The following GGT7 variants were observed in gnomAD, a reference collection of about 807,000 sequenced individuals.
The protein encoded by GGT7 is gamma-glutamyltransferase 7.
GGT7 carries 30 observed loss-of-function variants against 69.2 expected under a neutral mutation model. The ratio of observed to expected loss-of-function variants is 0.43; its 90% CI spans 0.32 to 0.59. The LOEUF (loss-of-function observed/expected upper bound fraction) is 0.59. Among genes scored for constraint, GGT7 ranks in the 20% least tolerant of loss-of-function variants. The probability of loss-of-function intolerance (pLI) is 0.05; values close to 1 mark genes in which losing one functional copy is unlikely to be tolerated. For synonymous variants in GGT7, 388 were observed against 391.8 expected (o/e 0.99, Z 0.12); for missense variants, 733 against 901.1 (o/e 0.81, Z 2.39).
In GGT7 at chr20:34,854,836, C is replaced by T; in HGVS notation, c.1190G>A (p.Ser397Asn). 6.2e-7 allele frequency: 1 copy of T among 1,614,182 alleles called. No individual in the cohort carries two copies. Among genetic ancestry groups the T allele is most frequent in the East Asian group, 2.2e-5 (1 of 44,882 alleles). Residue 397 changes from serine to asparagine, a missense_variant, in exon 9 of 15, where the codon AGC (serine) becomes AAC (asparagine). Coordinates refer to ENST00000336431, the MANE Select transcript of GGT7 (RefSeq NM_178026.3). ...AAGAGCCTGTTCTCGGGATACCAGG[C>T]TGGTGAGATTGAAGCCCTCCAGGAT... ...LNILEGFNLT[S>N]LVSREQALHW...
chr20:34,856,621 ACC>A (rs2079495878), intron 8 of GGT7, among the ~76,000 whole-genome samples, 183 bp downstream of exon 8: 1 of 152,056 alleles, frequency 6.6e-6, no homozygotes, highest in African/African-American at 2.4e-5. Context: ...GGGGTAACTG[ACC>A]CCACAGCTAC....
intron 1 of GGT7, among the ~76,000 whole-genome samples, chr20:34,869,008 C>T (rs900135043): frequency 6.6e-6 from 1 of 152,118 alleles, no homozygotes; most frequent in African/African-American, 2.4e-5. Context: ...TTGGATGTAG[C>T]TCAGTTAAAC....
Position 34,844,865 on chromosome 20 carries a change from A to G in GGT7, c.*463T>C, listed in dbSNP as rs1364628282. On this transcript the variant is annotated 3_prime_UTR_variant, in exon 15 of 15. Coordinates refer to ENST00000336431, the MANE Select transcript of GGT7 (RefSeq NM_178026.3). ...GGGAAAAGAGGAGCACCCCCTCCCT[A>G]TGATGGTCCATTAAAAAATTCCTAG... 2 of 153,840 alleles carry G rather than the reference A, an allele frequency of 1.3e-5. No individual in the cohort carries two copies. The highest frequency in any genetic ancestry group is 2.8e-5 in the Non-Finnish European group (2 of 71,022). 9.5% of individuals were successfully genotyped at this position (153,840 alleles called of 1,614,324 possible).
At chr20:34,870,441 T>C (rs537282192) in intron 1 of GGT7, among the ~76,000 whole-genome samples, 2 of 152,228 alleles carry the variant, frequency 1.3e-5, no homozygotes, top group African/African-American at 2.4e-5. Flanking sequence ...CATTCAACAA[T>C]TATTGAGTGC....
Position 34,863,292 on chromosome 20 carries a change from C to T in GGT7, c.405+21G>A, listed in dbSNP as rs755387105. 40 of 1,553,150 alleles carry T rather than the reference C, an allele frequency of 2.6e-5. No homozygotes were observed. The highest frequency in any genetic ancestry group is 3.4e-5 in the Non-Finnish European group (38 of 1,128,508). The stretch of plus-strand genomic sequence containing the variant: ...CTCCCCACTCCCCAGTTTCCTCCCC[C>T]TCCCCATTTGTCCCCCTCACCTGGG... On this transcript the variant is annotated intron_variant, in intron 2 of 14. Transcript: ENST00000336431. The surrounding 1 kb of genome is among the most constrained non-coding windows in gnomAD (Gnocchi z 4.4).
Position 34,859,433 on chromosome 20 carries a change from G to C in GGT7, c.1014+10C>G. The C allele has an allele frequency of 6.4e-7, 1 of 1,567,784 alleles. No homozygotes were observed. The highest frequency in any genetic ancestry group is 8.7e-7 in the Non-Finnish European group (1 of 1,148,458). ...GGGCATGCCCCCACCCGCACAACAC[G>C]AGCACTTACCTCGGCCACCATCTCC... is the stretch of plus-strand genomic sequence containing the variant. On this transcript the variant is annotated intron_variant, in intron 7 of 14. Coordinates refer to ENST00000336431, the MANE Select transcript of GGT7 (RefSeq NM_178026.3).
At chr20:34,850,313 C>T (rs1386767726) in intron 13 of GGT7, 1 of 657,332 alleles carries the variant, frequency 1.5e-6, no homozygotes, top group African/African-American at 1.8e-5. Flanking sequence ...AGATACACCA[C>T]TAGAACCAAG....
chr20:34,852,508 A>G lies in GGT7; in HGVS notation c.1350T>C (p.His450=), dbSNP rs1433115508. Residue 450 remains histidine, a synonymous_variant, in exon 11 of 15, where the codon CAT becomes CAC. Coordinates refer to ENST00000336431, the MANE Select transcript of GGT7 (RefSeq NM_178026.3). Reference sequence around the variant, plus strand: ...CAGGGGCTGCCTGGGAGTCATTGATATGGCCCCGGAGGTAGGCGGCCTCCA... The same window carrying G: ...CAGGGGCTGCCTGGGAGTCATTGATGTGGCCCCGGAGGTAGGCGGCCTCCA... ...SKVEAAYLRG[H]INDSQAAPAP... 4 of 1,596,938 alleles carry G rather than the reference A, an allele frequency of 2.5e-6. No homozygotes were observed. The highest frequency in any genetic ancestry group is 3.4e-6 in the Non-Finnish European group (4 of 1,172,356).
chr20:34,852,116 G>T, intron 12 of GGT7, 39 bp downstream of exon 12: 1 of 1,205,742 alleles, frequency 8.3e-7, no homozygotes, highest in Non-Finnish European at 1.2e-6. Context: ...CTACCTATAG[G>T]CCTCAGGGTC....
intron 4 of GGT7, among the ~76,000 whole-genome samples, chr20:34,860,596 T>C (rs1008213443): frequency 1.3e-5 from 2 of 150,372 alleles, no homozygotes; most frequent in Non-Finnish European, 2.9e-5. Flanking sequence ...ATAACCAGTG[T>C]AGAAAGACAC....
intron 1 of GGT7, among the ~76,000 whole-genome samples, chr20:34,869,490 G>C (rs1048226359): frequency 2.0e-5 from 3 of 152,184 alleles, no homozygotes; most frequent in Admixed American, 6.5e-5. Flanking sequence ...AAAGATGTCT[G>C]AACCAGGGAG....
chr20:34,852,324 C>T, intron 11 of GGT7, 52 bp from the exon 12 acceptor site: 1 of 1,608,122 alleles, frequency 6.2e-7, no homozygotes, highest in South Asian at 1.1e-5. Context: ...CACCTCTACC[C>T]AGCCCCCACC....
At chr20:34,871,373 T>G (rs1017047454) in intron 1 of GGT7, among the ~76,000 whole-genome samples, 15 of 152,180 alleles carry the variant, frequency 9.9e-5, no homozygotes, top group African/African-American at 3.6e-4. Context: ...GTCTCACTCC[T>G]GACTACTGAA....
chr20:34,860,164 T>C (rs1402587837), intron 5 of GGT7, 90 bp downstream of exon 5: 2 of 1,078,434 alleles, frequency 1.9e-6, no homozygotes, highest in African/African-American at 1.6e-5. Flanking sequence ...GAGGGGGAGT[T>C]GGGAAAGGAA....
chr20:34,857,615 A>ATTTT (rs5841184), intron 7 of GGT7, among the ~76,000 whole-genome samples: 6 of 118,010 alleles, frequency 5.1e-5, no homozygotes, highest in Non-Finnish European at 5.2e-5. Flanking sequence ...TTACACATTG[A>ATTTT]TTTTTTTTTT....
intron 1 of GGT7, among the ~76,000 whole-genome samples, chr20:34,868,229 G>T (rs1019868164): frequency 3.3e-5 from 5 of 152,140 alleles, no homozygotes; most frequent in African/African-American, 1.2e-4. Context: ...AAGGTGACAT[G>T]TCCCTATCAT....
chr20:34,855,593 C>G (rs17092149), intron 8 of GGT7, among the ~76,000 whole-genome samples: 12,197 of 152,124 alleles, frequency 0.08, 1,600 homozygotes, highest in African/African-American at 0.28. Context: ...AGTGCATGCT[C>G]TGATCAGGGC....
chr20:34,862,560 G>A (rs2079615420), intron 3 of GGT7, among the ~76,000 whole-genome samples: 2 of 145,902 alleles, frequency 1.4e-5, no homozygotes, highest in Non-Finnish European at 3.0e-5. Context: ...TTAATTTATG[G>A]TTTACAAATT....
At chr20:34,852,594 C>T in intron 10 of GGT7, 56 bp from the exon 11 acceptor site, 1 of 1,482,798 alleles carries the variant, frequency 6.7e-7, no homozygotes, top group Non-Finnish European at 9.0e-7. Context: ...TACACCCCAC[C>T]TACCTCACTT....
Sources: gnomAD v4.1 joint callset for allele counts (sites outside exome capture counted in the v4.1 genomes callset) on GRCh38, gnomAD v4.1.1 for gene constraint, Gnocchi (gnomAD v3.1) non-coding constraint, MANE v1.5 for transcripts, NCBI Gene and HGNC (gene_info 2026-07-23, HGNC 2026-07-21) for gene names.